AMMECR1L: variants seen among roughly 807,000 people sequenced by gnomAD.
AMMECR1L encodes AMMECR1-like protein.
AMMECR1L carries 4 observed loss-of-function variants against 36.8 expected under a neutral mutation model. The ratio of observed to expected loss-of-function variants is 0.11; its 90% confidence interval spans 0.05 to 0.25. The LOEUF (loss-of-function observed/expected upper bound fraction) is 0.25. AMMECR1L is among the 10% of genes least tolerant of loss of function. The pLI, the probability that AMMECR1L is intolerant of heterozygous loss-of-function variation, is 1.00. For missense variants in AMMECR1L, 232 were observed against 392.1 expected, an observed-to-expected ratio of 0.59 and a Z score of 3.45; for synonymous variants, 147 against 148.0, an observed-to-expected ratio of 0.99 and a Z score of 0.05.
In AMMECR1L at chr2:127,873,500, GTAT is replaced by G; in HGVS notation, c.407+325_407+327del. On this transcript the variant is annotated intron_variant, in intron 3 of 7. Coordinates refer to ENST00000272647, the MANE Select transcript of AMMECR1L (RefSeq NM_001199140.2). The surrounding 1 kb of genome is among the most constrained non-coding windows in gnomAD (Gnocchi z 5.2). Reference sequence around the variant, plus strand: ...TTCAACACTATGGGTGTCCCCAATGGTATGGCGTGACTTCCCCACTTGAGAGGT... The same window carrying G: ...TTCAACACTATGGGTGTCCCCAATGGGGCGTGACTTCCCCACTTGAGAGGT... 1 of 985,414 alleles carries G rather than the reference GTAT, an allele frequency of 1.0e-6. No individual in the cohort carries two copies. Among genetic ancestry groups the G allele is most frequent in the Non-Finnish European group, 1.2e-6 (1 of 829,938 alleles). The allele number at this position is 985,414 out of a possible 1,614,324, so 61.0% of individuals were successfully genotyped here.
chr2:127,873,542 C>A lies in AMMECR1L; in HGVS notation c.407+286G>T. The A allele has an allele frequency of 1.0e-6, 1 of 985,426 alleles. No homozygotes were observed. The highest frequency in any genetic ancestry group is 4.7e-5 in the South Asian group (1 of 21,284). The allele number at this position is 985,426 out of a possible 1,614,324, so 61.0% of individuals were successfully genotyped here. A position where few individuals can be genotyped will look rare whatever the true frequency, so the allele number is the denominator to read the frequency against. ...CACTTGAGAGGTTAAATGCCATACC[C>A]ACTGCCATGTGAACCAACAGAAGAG... On this transcript the variant is annotated intron_variant, in intron 3 of 7. Transcript: ENST00000272647. This position sits in a 1 kb window ranked among gnomAD's most constrained non-coding sequence, Gnocchi z 5.2.
At chr2:127,879,835 T>C (rs953532219) in intron 2 of AMMECR1L, among the ~76,000 whole-genome samples, 2 of 152,308 alleles carry the variant, frequency 1.3e-5, no homozygotes, top group East Asian at 1.9e-4. Flanking sequence ...TTCAGAATAA[T>C]AGCATTCTAA....
chr2:127,877,834 G>A (rs1691319943), intron 2 of AMMECR1L, among the ~76,000 whole-genome samples: 1 of 152,180 alleles, frequency 6.6e-6, no homozygotes, highest in Non-Finnish European at 1.5e-5. Context: ...ATCGAGGTGG[G>A]AGGATGGCTT....
In AMMECR1L at chr2:127,874,949, A is replaced by AC. The variant is rs1270403640; in HGVS notation, c.-38-678dup. ...CTATACATCTCCCTATCCTTTCAAG[A>AC]CCCCATTCAGAAAACCTGCAACCTA... On this transcript the variant is annotated intron_variant, in intron 2 of 7. Coordinates refer to ENST00000272647, the MANE Select transcript of AMMECR1L (RefSeq NM_001199140.2). This position sits in a 1 kb window ranked among gnomAD's most constrained non-coding sequence, Gnocchi z 5.2. Among the ~76,000 whole-genome samples, 1 of 152,058 alleles carries AC rather than the reference A, an allele frequency of 6.6e-6. No homozygotes were observed. The highest frequency in any genetic ancestry group is 1.5e-5 in the Non-Finnish European group (1 of 68,008).
chr2:127,866,019 G>A (rs1690670325), intron 7 of AMMECR1L, among the ~76,000 whole-genome samples: 1 of 152,144 alleles, frequency 6.6e-6, no homozygotes, highest in African/African-American at 2.4e-5. Flanking sequence ...ATAATGCTTT[G>A]TATTTGAAGA....
At position 127,874,308 on chromosome 2, in the gene AMMECR1L, G is replaced by C; in HGVS notation, c.-38-36C>G. 6.4e-7 allele frequency: 1 copy of C among 1,554,730 alleles called. No individual in the cohort carries two copies. The highest frequency in any genetic ancestry group is 1.2e-5 in the South Asian group (1 of 84,174). On this transcript the variant is annotated intron_variant, in intron 2 of 7. Coordinates refer to ENST00000272647, the MANE Select transcript of AMMECR1L (RefSeq NM_001199140.2). This position sits in a 1 kb window ranked among gnomAD's most constrained non-coding sequence, Gnocchi z 5.2. ...TGAGAAGTTAAGCATTAATTTGACT[G>C]GTTAGTTAAAAGGAGAGGAAAAAAC...
chr2:127,880,802 CT>C, intron 2 of AMMECR1L, among the ~76,000 whole-genome samples: 1 of 139,956 alleles, frequency 7.1e-6, no homozygotes, highest in Middle Eastern at 3.6e-3. Flanking sequence ...ACACACACTC[CT>C]GATTGTCACC....
intron 2 of AMMECR1L, among the ~76,000 whole-genome samples, chr2:127,876,039 C>T (rs368550463): frequency 2.0e-5 from 3 of 151,984 alleles, no homozygotes; most frequent in African/African-American, 4.8e-5. Flanking sequence ...GGGAGGGATC[C>T]GCTCCCCGCC....
chr2:127,873,257 GA>G lies in AMMECR1L; in HGVS notation c.407+570del. On this transcript the variant is annotated intron_variant, in intron 3 of 7. Transcript: ENST00000272647. This position sits in a 1 kb window ranked among gnomAD's most constrained non-coding sequence, Gnocchi z 5.2. ...ATACATATTGCTTATTTAAGTCACT[GA>G]GACCAGTAGAGGGCTTGGGACAAGC... is the stretch of plus-strand genomic sequence containing the variant. 2.0e-6 allele frequency: 2 copies of G among 985,484 alleles called. No homozygotes were observed. Among genetic ancestry groups the G allele is most frequent in the Non-Finnish European group, 2.4e-6 (2 of 829,950 alleles). The allele number at this position is 985,484 out of a possible 1,614,324, so 61.0% of individuals were successfully genotyped here.
chr2:127,871,023 T>A lies in AMMECR1L; in HGVS notation c.519-95A>T. On this transcript the variant is annotated intron_variant, in intron 4 of 7. Transcript: ENST00000272647. The surrounding 1 kb of genome is among the most constrained non-coding windows in gnomAD (Gnocchi z 4.3). Reference sequence around the variant, plus strand: ...CCACATATTTATGAATCTTGAGCTATGCAGAGAGTATCTATTGTTCATCAA... The same window carrying A: ...CCACATATTTATGAATCTTGAGCTAAGCAGAGAGTATCTATTGTTCATCAA... 3.0e-6 allele frequency: 3 copies of A among 1,015,984 alleles called. No homozygotes were observed. Among genetic ancestry groups the A allele is most frequent in the Non-Finnish European group, 2.9e-6 (2 of 689,926 alleles). The allele number at this position is 1,015,984 out of a possible 1,614,324, so 62.9% of individuals were successfully genotyped here. A position where few individuals can be genotyped will look rare whatever the true frequency, so the allele number is the denominator to read the frequency against.
Position 127,882,515 on chromosome 2 carries a change from G to C in AMMECR1L, c.-39+1688C>G, listed in dbSNP as rs553052584. Among the ~76,000 whole-genome samples the C allele has an allele frequency of 3.3e-5, 5 of 152,194 alleles. No homozygotes were observed. In the South Asian group the frequency reaches 1.0e-3, roughly 32 times the overall value. ...CCATACCAAATAATCATTTATTTTT[G>C]AAACCCCCATCATACACACATCCAA... On this transcript the variant is annotated intron_variant, in intron 2 of 7. Coordinates refer to ENST00000272647, the MANE Select transcript of AMMECR1L (RefSeq NM_001199140.2).
rs1020990601 is a variant in AMMECR1L at position 127,885,518 on chromosome 2, G to A, written c.-149+292C>T. 88 of 984,366 alleles carry A rather than the reference G, an allele frequency of 8.9e-5. No homozygotes were observed. In the African/African-American group the frequency reaches 1.5e-3, roughly 16 times the overall value. The allele number at this position is 984,366 out of a possible 1,614,324, so 61.0% of individuals were successfully genotyped here. On this transcript the variant is annotated intron_variant, in intron 1 of 7. Transcript: ENST00000272647. ...GCTTCCTGGAGGGAGTGCAGACAAG[G>A]ACCAGGAGCGGGAGCCGAGCCTCGC...
intron 2 of AMMECR1L, among the ~76,000 whole-genome samples, chr2:127,876,062 C>T (rs939934297): frequency 6.6e-6 from 1 of 151,830 alleles, no homozygotes; most frequent in Non-Finnish European, 1.5e-5. Flanking sequence ...GCCCCCCCAC[C>T]CGCTGGCTGG....
Position 127,862,695 on chromosome 2 carries a change from G to A in AMMECR1L, c.*2399C>T, listed in dbSNP as rs1366930430. On this transcript the variant is annotated 3_prime_UTR_variant, in exon 8 of 8. Transcript: ENST00000272647. ...TGCTGGACTTGTGTGGGAGCATGAG[G>A]GAATGTGCAGGGAGTAAGGCTTCTT... 1 of 152,638 alleles carries A rather than the reference G, an allele frequency of 6.6e-6. No homozygotes were observed. Among genetic ancestry groups the A allele is most frequent in the African/African-American group, 2.4e-5 (1 of 41,442 alleles). 9.5% of individuals were successfully genotyped at this position (152,638 alleles called of 1,614,324 possible).
At chr2:127,880,077 C>T (rs563954129) in intron 2 of AMMECR1L, among the ~76,000 whole-genome samples, 27 of 152,292 alleles carry the variant, frequency 1.8e-4, no homozygotes, top group Admixed American at 1.0e-3. Flanking sequence ...CAGAGGCAGG[C>T]GGATAGCTTG....
chr2:127,872,964 T>C (rs540848308), intron 3 of AMMECR1L: 1 of 974,150 alleles, frequency 1.0e-6, no homozygotes, highest in South Asian at 4.7e-5. Flanking sequence ...CCCTTAGCTC[T>C]GTGCGTGTGT....
chr2:127,878,862 T>C (rs1156417271), intron 2 of AMMECR1L, among the ~76,000 whole-genome samples: 1 of 152,232 alleles, frequency 6.6e-6, no homozygotes, highest in Non-Finnish European at 1.5e-5. Flanking sequence ...CAGAGTTAGA[T>C]ATTTTCTGCA....
chr2:127,877,910 T>C (rs1691322412), intron 2 of AMMECR1L, among the ~76,000 whole-genome samples: 1 of 151,784 alleles, frequency 6.6e-6, no homozygotes. Context: ...TAAAATAAAT[T>C]AGCTGGGCAT....
At position 127,869,585 on chromosome 2, in the gene AMMECR1L, C is replaced by G; in HGVS notation, c.634-41G>C. The G allele has an allele frequency of 2.7e-6, 4 of 1,486,952 alleles. No individual in the cohort carries two copies. The highest frequency in any genetic ancestry group is 3.8e-6 in the Non-Finnish European group (4 of 1,064,418). The allele number at this position is 1,486,952 out of a possible 1,614,324, so 92.1% of individuals were successfully genotyped here. A position where few individuals can be genotyped will look rare whatever the true frequency, so the allele number is the denominator to read the frequency against. On this transcript the variant is annotated intron_variant, in intron 5 of 7. Transcript: ENST00000272647. The surrounding 1 kb of genome is among the most constrained non-coding windows in gnomAD (Gnocchi z 4.7). ...CAACCAAGTAAATGGCATTTACTTA[C>G]TCTAATGGAACTTCAGTCCCCACAT...
Sources: gnomAD v4.1 joint callset for allele counts (sites outside exome capture counted in the v4.1 genomes callset) on GRCh38, gnomAD v4.1.1 for gene constraint, Gnocchi (gnomAD v3.1) non-coding constraint, MANE v1.5 for transcripts, NCBI Gene and HGNC (gene_info 2026-07-23, HGNC 2026-07-21) for gene names.